TRABD2B: variants seen among roughly 807,000 people sequenced by gnomAD.
The protein encoded by TRABD2B is TraB domain containing 2B.
In TRABD2B, 14 loss-of-function variants were observed where a neutral mutation model predicts 40.1. That is an observed-to-expected ratio of 0.35 (90% confidence interval 0.23 to 0.55). The LOEUF (loss-of-function observed/expected upper bound fraction) is 0.55, where lower values mean the gene tolerates loss of function less well. TRABD2B is among the 20% of genes least tolerant of loss of function. The pLI is 0.90. For synonymous variants in TRABD2B, 263 were observed against 277.0 expected, an observed-to-expected ratio of 0.95 and a Z score of 0.50; for missense variants, 541 against 648.6, an observed-to-expected ratio of 0.83 and a Z score of 1.80.
intron 2 of TRABD2B, among the ~76,000 whole-genome samples, chr1:47,853,347 C>T (rs1463382185): frequency 3.3e-5 from 5 of 152,184 alleles, no homozygotes; most frequent in Non-Finnish European, 7.3e-5. Flanking sequence ...ATATTGGGTC[C>T]CACCTCCGGC....
rs527876069 is a variant in TRABD2B, at chr1:47,799,120, T to C, written c.813+2353A>G. On this transcript the variant is annotated intron_variant, in intron 3 of 6. Transcript: ENST00000606738. The stretch of plus-strand genomic sequence containing the variant: ...GGTCTGGACCCAAGCTCAAAGAAAA[T>C]CTGAGCTTGCCTTCTCCTGAGGTCA... Among the ~76,000 whole-genome samples, 201 of 152,240 alleles carry C rather than the reference T, an allele frequency of 1.3e-3. 2 individuals carry two copies. Among genetic ancestry groups the C allele is most frequent in the African/African-American group, 4.6e-3 (191 of 41,538 alleles).
intron 2 of TRABD2B, among the ~76,000 whole-genome samples, chr1:47,991,497 AC>A (rs1646010349): frequency 6.6e-6 from 1 of 152,194 alleles, no homozygotes; most frequent in South Asian, 2.1e-4. Context: ...GAAATCAAAG[AC>A]CAAAACCTAA....
intron 4 of TRABD2B, among the ~76,000 whole-genome samples, chr1:47,782,600 C>T (rs1467108552): frequency 6.6e-6 from 1 of 152,194 alleles, no homozygotes; most frequent in East Asian, 1.9e-4. Context: ...CTCATCCTAT[C>T]CCCAGGAGAC....
intron 2 of TRABD2B, among the ~76,000 whole-genome samples, chr1:47,913,083 C>A (rs1644784267): frequency 6.6e-6 from 1 of 152,228 alleles, no homozygotes; most frequent in Non-Finnish European, 1.5e-5. Context: ...GGCCCAGCTC[C>A]ATGCTCTGTA....
intron 4 of TRABD2B, among the ~76,000 whole-genome samples, chr1:47,786,974 G>C (rs1156409744): frequency 6.6e-6 from 1 of 152,132 alleles, no homozygotes. Context: ...CAAAGTGCTG[G>C]GACTACAAAT....
chr1:47,852,789 C>T (rs1643834436), intron 2 of TRABD2B, among the ~76,000 whole-genome samples: 1 of 152,042 alleles, frequency 6.6e-6, no homozygotes, highest in African/African-American at 2.4e-5. Context: ...CATCCAAGCT[C>T]ATTTTCCCAA....
At chr1:47,984,877 G>A (rs531675318) in intron 2 of TRABD2B, among the ~76,000 whole-genome samples, 1 of 152,078 alleles carries the variant, frequency 6.6e-6, no homozygotes, top group East Asian at 1.9e-4. Flanking sequence ...ACCAAGAAAG[G>A]AAGCACCTGG....
Position 47,994,614 on chromosome 1 carries a change from G to T in TRABD2B, c.103-17C>A, listed in dbSNP as rs1462723205. On this transcript the variant is annotated splice_polypyrimidine_tract_variant and intron_variant, in intron 1 of 6. Coordinates refer to ENST00000606738, the MANE Select transcript of TRABD2B (RefSeq NM_001194986.2). The surrounding 1 kb of genome is among the most constrained non-coding windows in gnomAD (Gnocchi z 6.7). ...GTCCCTCTGCTGCAGGAGTAGAGAA[G>T]AGGCAAGGCAGTGAGGCCGAAGGCA... 1 of 1,528,156 alleles carries T rather than the reference G, an allele frequency of 6.5e-7. No individual in the cohort carries two copies. The highest frequency in any genetic ancestry group is 2.4e-5 in the East Asian group (1 of 40,818). The allele number at this position is 1,528,156 out of a possible 1,614,324, so 94.7% of individuals were successfully genotyped here. A position where few individuals can be genotyped will look rare whatever the true frequency, so the allele number is the denominator to read the frequency against.
intron 2 of TRABD2B, among the ~76,000 whole-genome samples, chr1:47,974,578 T>C (rs187833103): frequency 2.0e-5 from 3 of 152,356 alleles, no homozygotes; most frequent in Admixed American, 2.0e-4. Flanking sequence ...AAAAGTTCCA[T>C]GCAGGAAAAA....
At chr1:47,875,121 G>T (rs986152889) in intron 2 of TRABD2B, among the ~76,000 whole-genome samples, 2 of 151,920 alleles carry the variant, frequency 1.3e-5, no homozygotes, top group South Asian at 2.1e-4. Flanking sequence ...AGACTGAGAG[G>T]TTTGGAATAT....
chr1:47,952,551 G>C (rs1645360562), intron 2 of TRABD2B, among the ~76,000 whole-genome samples: 1 of 152,128 alleles, frequency 6.6e-6, no homozygotes, highest in Non-Finnish European at 1.5e-5. Context: ...TCTTTGTATG[G>C]CAGTTCCTAA....
At chr1:47,876,603 A>G (rs1644228468) in intron 2 of TRABD2B, among the ~76,000 whole-genome samples, 1 of 152,338 alleles carries the variant, frequency 6.6e-6, no homozygotes, top group African/African-American at 2.4e-5. Context: ...GTACAGGTTC[A>G]TGGAGAAGGA....
chr1:47,770,643 C>T (rs1436681254), intron 6 of TRABD2B, among the ~76,000 whole-genome samples: 6 of 152,342 alleles, frequency 3.9e-5, no homozygotes, highest in African/African-American at 7.2e-5. Context: ...CTCCAGGGCT[C>T]TTCAGTGGCA....
chr1:47,929,179 G>A (rs1226523821), intron 2 of TRABD2B, among the ~76,000 whole-genome samples: 1 of 152,202 alleles, frequency 6.6e-6, no homozygotes, highest in Non-Finnish European at 1.5e-5. Flanking sequence ...GATGAGGCAA[G>A]CAAGGCACCT....
chr1:47,970,334 T>C (rs752654888), intron 2 of TRABD2B, among the ~76,000 whole-genome samples: 2 of 152,104 alleles, frequency 1.3e-5, no homozygotes, highest in Non-Finnish European at 2.9e-5. Context: ...TTGCACTTAT[T>C]TTCAAATTTA....
At chr1:47,816,440 C>A (rs892635037) in intron 2 of TRABD2B, among the ~76,000 whole-genome samples, 3 of 152,214 alleles carry the variant, frequency 2.0e-5, no homozygotes, top group Admixed American at 6.5e-5. Flanking sequence ...TGCTCCCTAA[C>A]CTCCTTGCTT....
At chr1:47,778,413 C>T in intron 5 of TRABD2B, 41 bp downstream of exon 5, 1 of 1,423,246 alleles carries the variant, frequency 7.0e-7, no homozygotes, top group Non-Finnish European at 9.6e-7. Context: ...GGCAGGAAGG[C>T]AGGGTCAGTG....
intron 2 of TRABD2B, among the ~76,000 whole-genome samples, chr1:47,933,995 G>C (rs557918484): frequency 6.6e-6 from 1 of 152,196 alleles, no homozygotes; most frequent in Non-Finnish European, 1.5e-5. Flanking sequence ...GATGGCTAAG[G>C]GTTGTTTTAT....
At chr1:47,840,199 C>G (rs751133002) in intron 2 of TRABD2B, among the ~76,000 whole-genome samples, 1 of 152,148 alleles carries the variant, frequency 6.6e-6, no homozygotes, top group Non-Finnish European at 1.5e-5. Context: ...AAGTTAAGCA[C>G]GCTCACTCCA....
Sources: allele counts gnomAD v4.1 joint callset (sites outside exome capture counted in the v4.1 genomes callset), GRCh38; gene constraint gnomAD v4.1.1; non-coding constraint Gnocchi (gnomAD v3.1); transcripts MANE v1.5; gene names NCBI Gene and HGNC (gene_info 2026-07-23, HGNC 2026-07-21).